Variants in PCDHGA9 observed in about 807,000 individuals in gnomAD.
PCDHGA9 encodes the protein protocadherin gamma-A9.
Under a neutral mutation model 62.5 loss-of-function variants are expected in PCDHGA9, and 37 were observed. The ratio of observed to expected loss-of-function variants is 0.59; its 90% confidence interval spans 0.46 to 0.78. PCDHGA9 has a LOEUF of 0.78. Ranked by LOEUF, PCDHGA9 falls within the 30% of genes least tolerant of loss-of-function variation. PCDHGA9 has a pLI of 0.00. For missense variants in PCDHGA9, 1,138 were observed against 1,166.2 expected (o/e 0.98, Z 0.35); for synonymous variants, 459 against 484.6 (o/e 0.95, Z 0.69).
Position 141,476,468 on chromosome 5 carries a change from C to T in PCDHGA9, c.2425-18339C>T. 6.2e-7 allele frequency: 1 copy of T among 1,614,132 alleles called. No homozygotes were observed. Among genetic ancestry groups the T allele is most frequent in the Non-Finnish European group, 8.5e-7 (1 of 1,180,022 alleles). On this transcript the variant is annotated intron_variant, in intron 1 of 3. Coordinates refer to ENST00000573521, the MANE Select transcript of PCDHGA9 (RefSeq NM_018921.3). The surrounding 1 kb of genome is among the most constrained non-coding windows in gnomAD (Gnocchi z 7.6). ...GTTGGTAGTGGAGAACCCGCTGGAG[C>T]TGTTCAGCGTGGAAGTGGTGATCCA...
chr5:141,495,199 G>A (rs1205495643), intron 2 of PCDHGA9, among the ~76,000 whole-genome samples: 1 of 152,164 alleles, frequency 6.6e-6, no homozygotes, highest in African/African-American at 2.4e-5. Context: ...CCCATGTACT[G>A]CCTAACCCCC....
chr5:141,408,669 C>T lies in PCDHGA9; in HGVS notation c.2424+3293C>T, dbSNP rs2095146839. ...GCTGGTACACGACTATCGCTTGACCCTGCCACGGATCCTGATATAAACATA... is the reference window on the plus strand; with the variant it reads ...GCTGGTACACGACTATCGCTTGACCTTGCCACGGATCCTGATATAAACATA... On this transcript the variant is annotated intron_variant, in intron 1 of 3. Transcript: ENST00000573521. The T allele has an allele frequency of 2.5e-6, 4 of 1,613,988 alleles. No homozygotes were observed. Among genetic ancestry groups the T allele is most frequent in the South Asian group, 2.2e-5 (2 of 91,078 alleles).
intron 1 of PCDHGA9, among the ~76,000 whole-genome samples, chr5:141,455,650 C>T (rs1176718096): frequency 2.6e-5 from 4 of 151,994 alleles, no homozygotes; most frequent in African/African-American, 9.7e-5. Flanking sequence ...AGCCATGTGG[C>T]CAGGAACTTG....
At chr5:141,472,980 C>CAAAAAAAAAAAAAAAAAAAAAAAA (rs60579131) in intron 1 of PCDHGA9, among the ~76,000 whole-genome samples, 7 of 86,078 alleles carry the variant, frequency 8.1e-5, no homozygotes, top group African/African-American at 1.9e-4. Context: ...GAGTGAAACT[C>CAAAAAAAAAAAAAAAAAAAAAAAA]AAAAAAAAAA....
chr5:141,419,218 A>G, intron 1 of PCDHGA9: 1 of 1,613,940 alleles, frequency 6.2e-7, no homozygotes, highest in Non-Finnish European at 8.5e-7. Flanking sequence ...CGGTTTTCGG[A>G]CAGTCAGCCT....
intron 1 of PCDHGA9, chr5:141,478,551 G>A (rs759604162): frequency 6.2e-6 from 10 of 1,603,054 alleles, no homozygotes; most frequent in South Asian, 3.3e-5. Context: ...GGACAGGTAA[G>A]GTTTAGCAAG....
intron 1 of PCDHGA9, among the ~76,000 whole-genome samples, chr5:141,448,838 T>C (rs2098609981): frequency 6.6e-6 from 1 of 151,802 alleles, no homozygotes; most frequent in Non-Finnish European, 1.5e-5. Flanking sequence ...CCAGCTACTC[T>C]GGAGGCTGAG....
rs545524357 is a variant in PCDHGA9, at chr5:141,467,902, G to A, written c.2425-26905G>A. ...TCAAACTCCTGAGCTCAAGAAATCC[G>A]CCCACCTCAGCCTCCCAAAATGCTA... On this transcript the variant is annotated intron_variant, in intron 1 of 3. Coordinates refer to ENST00000573521, the MANE Select transcript of PCDHGA9 (RefSeq NM_018921.3). 1.1e-4 allele frequency among the ~76,000 whole-genome samples: 16 copies of A among 151,862 alleles called. No homozygotes were observed. The East Asian group carries it at 2.3e-3, about 22-fold the overall frequency.
chr5:141,486,405 G>A lies in PCDHGA9; in HGVS notation c.2425-8402G>A. 6.2e-7 allele frequency: 1 copy of A among 1,614,114 alleles called. No homozygotes were observed. The highest frequency in any genetic ancestry group is 2.2e-5 in the East Asian group (1 of 44,862). On this transcript the variant is annotated intron_variant, in intron 1 of 3. Transcript: ENST00000573521. The surrounding 1 kb of genome is among the most constrained non-coding windows in gnomAD (Gnocchi z 5.0). ...AACCAGTTCTCCCTGGTGACTGCTG[G>A]ACCCTTGGATCGAGAGGCCAAATCT...
intron 1 of PCDHGA9, chr5:141,418,983 A>T: frequency 6.2e-7 from 1 of 1,613,900 alleles, no homozygotes; most frequent in Admixed American, 1.7e-5. Context: ...CGGGACCAAG[A>T]CTCAGGGGAA....
rs777247531 is a variant in PCDHGA9 at position 141,476,417 on chromosome 5, C to T, written c.2425-18390C>T. 3 of 1,614,112 alleles carry T rather than the reference C, an allele frequency of 1.9e-6. No homozygotes were observed. Among genetic ancestry groups the T allele is most frequent in the Admixed American group, 1.7e-5 (1 of 60,018 alleles). The stretch of plus-strand genomic sequence containing the variant: ...GGATCGAGAGGAGCTGTGTGGGACA[C>T]TGCCCTCTTGCACTGTAACTCTGGA... On this transcript the variant is annotated intron_variant, in intron 1 of 3. Coordinates refer to ENST00000573521, the MANE Select transcript of PCDHGA9 (RefSeq NM_018921.3). The surrounding 1 kb of genome is among the most constrained non-coding windows in gnomAD (Gnocchi z 7.6).
At chr5:141,410,851 T>A in intron 1 of PCDHGA9, 3 of 207,068 alleles carry the variant, frequency 1.4e-5, no homozygotes, top group Non-Finnish European at 1.7e-5. Flanking sequence ...GTCTTTGTCT[T>A]TTTTTTTTTT....
intron 1 of PCDHGA9, among the ~76,000 whole-genome samples, chr5:141,448,521 GCATCCTGTCAGCATTTC>G (rs1378426350): frequency 1.3e-5 from 2 of 151,994 alleles, no homozygotes; most frequent in Non-Finnish European, 2.9e-5. Flanking sequence ...ACTTTATTAA[GCATCCTGTCAGCATTTC>G]TTATGCAAAT....
At chr5:141,471,508 G>A (rs1262338812) in intron 1 of PCDHGA9, 3 of 152,216 alleles carry the variant, frequency 2.0e-5, no homozygotes, top group African/African-American at 7.2e-5. Context: ...AAGAGAGGGA[G>A]TAAAAATAAC....
At position 141,431,159 on chromosome 5, in the gene PCDHGA9, C is replaced by T. The variant is rs1017606383; in HGVS notation, c.2424+25783C>T. Reference sequence around the variant, plus strand: ...CATTAACGACAATGCGCCTTACTTTCGTGAAAGTGAATTAGAAATAAAAAT... The same window carrying T: ...CATTAACGACAATGCGCCTTACTTTTGTGAAAGTGAATTAGAAATAAAAAT... On this transcript the variant is annotated intron_variant, in intron 1 of 3. Transcript: ENST00000573521. The surrounding 1 kb of genome is among the most constrained non-coding windows in gnomAD (Gnocchi z 4.8). 1 of 1,614,158 alleles carries T rather than the reference C, an allele frequency of 6.2e-7. No individual in the cohort carries two copies. The highest frequency in any genetic ancestry group is 1.3e-5 in the African/African-American group (1 of 75,046).
In PCDHGA9 at chr5:141,432,896, G is replaced by A. The variant is rs2097547014; in HGVS notation, c.2424+27520G>A. On this transcript the variant is annotated intron_variant, in intron 1 of 3. Transcript: ENST00000573521. This position sits in a 1 kb window ranked among gnomAD's most constrained non-coding sequence, Gnocchi z 6.0. ...CCTGGCCTTCGTCATCTTGCTGCTG[G>A]CGCTCAGGCTGCGGCGCTGGCACAA... is the stretch of plus-strand genomic sequence containing the variant. 6.2e-7 allele frequency: 1 copy of A among 1,614,056 alleles called. No homozygotes were observed. Among genetic ancestry groups the A allele is most frequent in the African/African-American group, 1.3e-5 (1 of 74,946 alleles).
Position 141,487,506 on chromosome 5 carries a change from C to T in PCDHGA9, c.2425-7301C>T. 1 of 1,614,220 alleles carries T rather than the reference C, an allele frequency of 6.2e-7. No homozygotes were observed. The highest frequency in any genetic ancestry group is 8.5e-7 in the Non-Finnish European group (1 of 1,180,046). On this transcript the variant is annotated intron_variant, in intron 1 of 3. Coordinates refer to ENST00000573521, the MANE Select transcript of PCDHGA9 (RefSeq NM_018921.3). The surrounding 1 kb of genome is among the most constrained non-coding windows in gnomAD (Gnocchi z 5.0). ...CATGGCTGTACACCCTTGGCTTCTG[C>T]ACCCACTCGGAGTGATAGCTTCATG...
rs1376069004 is a variant in PCDHGA9 at position 141,457,869 on chromosome 5, G to T, written c.2425-36938G>T. On this transcript the variant is annotated intron_variant, in intron 1 of 3. Transcript: ENST00000573521. ...AAGTGACATTCTTCACTGACCACAG[G>T]TTAGGAACCCTGTGTGGGGACTGTG... 2.0e-5 allele frequency among the ~76,000 whole-genome samples: 3 copies of T among 152,334 alleles called. No individual in the cohort carries two copies. The East Asian group carries it at 5.8e-4, about 29-fold the overall frequency.
intron 2 of PCDHGA9, among the ~76,000 whole-genome samples, chr5:141,501,868 C>G (rs1016056445): frequency 1.3e-5 from 2 of 152,120 alleles, no homozygotes; most frequent in African/African-American, 2.4e-5. Flanking sequence ...TCCCAGGACG[C>G]CTCCTTACAC....
Sources: allele counts gnomAD v4.1 joint callset (sites outside exome capture counted in the v4.1 genomes callset), GRCh38; gene constraint gnomAD v4.1.1; non-coding constraint Gnocchi (gnomAD v3.1); transcripts MANE v1.5; gene names NCBI Gene and HGNC (gene_info 2026-07-23, HGNC 2026-07-21).